The following DDX6 variants were observed in gnomAD, a reference collection of about 807,000 sequenced individuals.
DDX6 encodes DEAD-box helicase 6.
A neutral mutation model predicts 60.6 loss-of-function variants in DDX6; 7 were observed. That is an observed-to-expected ratio of 0.12 (90% confidence interval 0.07 to 0.22). The LOEUF (loss-of-function observed/expected upper bound fraction) is 0.22. Among genes scored for constraint, DDX6 ranks in the 10% least tolerant of loss-of-function variants. The probability of loss-of-function intolerance (pLI) is 1.00; values close to 1 mark genes in which losing one functional copy is unlikely to be tolerated. For missense variants in DDX6, 270 were observed against 589.9 expected (o/e 0.46, Z 5.62); for synonymous variants, 207 against 201.0 (o/e 1.03, Z -0.25).
Position 118,749,691 on chromosome 11 carries a change from C to T in DDX6, c.*2414G>A, listed in dbSNP as rs1174633391. 1.3e-5 allele frequency: 2 copies of T among 152,624 alleles called. No homozygotes were observed. Among genetic ancestry groups the T allele is most frequent in the Non-Finnish European group, 2.9e-5 (2 of 68,046 alleles). The allele number at this position is 152,624 out of a possible 1,614,324, so 9.5% of individuals were successfully genotyped here. A position where few individuals can be genotyped will look rare whatever the true frequency, so the allele number is the denominator to read the frequency against. On this transcript the variant is annotated 3_prime_UTR_variant, in exon 14 of 14. Transcript: ENST00000534980. ...AGAATTGCATTTATACTCTTTTCTT[C>T]TACATGAATGATCCCTCTTATCTCG... is the stretch of plus-strand genomic sequence containing the variant.
intron 2 of DDX6, among the ~76,000 whole-genome samples, chr11:118,783,075 A>G (rs1333128126): frequency 2.2e-5 from 3 of 133,772 alleles, no homozygotes; most frequent in African/African-American, 8.0e-5. Context: ...TATGAGATGA[A>G]AAAACTATTT....
rs541607957 is a variant in DDX6 at position 118,781,703 on chromosome 11, G to A, written c.201-519C>T. On this transcript the variant is annotated intron_variant, in intron 2 of 13. Transcript: ENST00000534980. ...AGCACTTTGGGAGGCCAAGGTGGGC[G>A]GATCACTTGAGGTCAGGAGTTCGAG... Among the ~76,000 whole-genome samples, 9 of 152,300 alleles carry A rather than the reference G, an allele frequency of 5.9e-5. No homozygotes were observed. In the South Asian group the frequency reaches 8.3e-4, roughly 14 times the overall value.
At chr11:118,773,128 G>A (rs1555162924) in intron 4 of DDX6, among the ~76,000 whole-genome samples, 2 of 152,106 alleles carry the variant, frequency 1.3e-5, no homozygotes, top group Non-Finnish European at 2.9e-5. Flanking sequence ...TATAATTAAA[G>A]AATGGTTTAT....
chr11:118,779,797 T>C, intron 3 of DDX6, 61 bp from the exon 4 acceptor site: 1 of 1,266,836 alleles, frequency 7.9e-7, no homozygotes, highest in Non-Finnish European at 1.1e-6. Flanking sequence ...TTTGGTGTCC[T>C]TTGGTAAATT....
At chr11:118,763,705 G>C (rs1317557331) in intron 6 of DDX6, among the ~76,000 whole-genome samples, 1 of 151,752 alleles carries the variant, frequency 6.6e-6, no homozygotes, top group Non-Finnish European at 1.5e-5. Flanking sequence ...GTGGTGGTGG[G>C]AGCCTGTAAT....
chr11:118,765,755 C>A (rs1360071864), intron 5 of DDX6, among the ~76,000 whole-genome samples: 2 of 144,770 alleles, frequency 1.4e-5, no homozygotes, highest in Admixed American at 7.2e-5. Context: ...GCCTGGGCGA[C>A]AGAGTGAGAC....
At chr11:118,788,722 C>T (rs920573311) in intron 1 of DDX6, 3 of 152,012 alleles carry the variant, frequency 2.0e-5, no homozygotes, top group Admixed American at 6.6e-5. Context: ...CAGAGTCTCA[C>T]TCTGTTGCCC....
At chr11:118,767,294 A>G (rs904659710) in intron 5 of DDX6, among the ~76,000 whole-genome samples, 7 of 152,206 alleles carry the variant, frequency 4.6e-5, no homozygotes, top group Non-Finnish European at 7.3e-5. Context: ...AGTCAGATTC[A>G]CTGTGTAAAA....
At chr11:118,787,392 C>T (rs1398658091) in intron 1 of DDX6, 2 of 152,228 alleles carry the variant, frequency 1.3e-5, no homozygotes, top group Admixed American at 6.5e-5. Flanking sequence ...CTGCTTGAAC[C>T]CAGGAGGCGG....
chr11:118,759,147 C>A (rs959640740), intron 8 of DDX6: 3 of 359,164 alleles, frequency 8.4e-6, no homozygotes, highest in South Asian at 6.5e-5. Context: ...GCAACCTCCA[C>A]CTCCCGGGTT....
At chr11:118,783,021 C>A (rs1049128908) in intron 2 of DDX6, among the ~76,000 whole-genome samples, 1 of 151,930 alleles carries the variant, frequency 6.6e-6, no homozygotes. Flanking sequence ...AATAATAATG[C>A]GTAAGATACA....
At chr11:118,789,072 CTTTT>C (rs142382451) in intron 1 of DDX6, 64 of 91,122 alleles carry the variant, frequency 7.0e-4, no homozygotes, top group African/African-American at 2.1e-3. Flanking sequence ...CCCCGTTACA[CTTTT>C]TTTTTTTTTT....
intron 1 of DDX6, chr11:118,788,089 TCACCTGAGGTCAGGAGTTCAAGAC>T (rs1191138767): frequency 1.3e-5 from 2 of 151,020 alleles, no homozygotes; most frequent in African/African-American, 4.9e-5. Context: ...GACTGGTGGA[TCACCTGAGGTCAGGAGTTCAAGAC>T]CACCTGACCA....
chr11:118,750,890 G>A lies in DDX6; in HGVS notation c.*1215C>T, dbSNP rs1315498914. ...GCAAACAGTACATCCCAGATTTCTGGGCCCCTTTACTAACACAGGGTACCA... is the reference window on the plus strand; with the variant it reads ...GCAAACAGTACATCCCAGATTTCTGAGCCCCTTTACTAACACAGGGTACCA... On this transcript the variant is annotated 3_prime_UTR_variant, in exon 14 of 14. Transcript: ENST00000534980. 2 of 152,024 alleles carry A rather than the reference G, an allele frequency of 1.3e-5. No individual in the cohort carries two copies. The highest frequency in any genetic ancestry group is 6.6e-5 in the Admixed American group (1 of 15,204). The allele number at this position is 152,024 out of a possible 1,614,324, so 9.4% of individuals were successfully genotyped here.
chr11:118,762,288 AAT>A (rs1861201088), intron 7 of DDX6, among the ~76,000 whole-genome samples: 2 of 113,922 alleles, frequency 1.8e-5, no homozygotes, highest in African/African-American at 6.3e-5. Context: ...AAAAAAAAAT[AAT>A]AATAATAATA....
At chr11:118,791,390 C>G (rs1037938849), upstream of DDX6, 2 of 152,066 alleles carry the variant, frequency 1.3e-5, no homozygotes, top group African/African-American at 4.8e-5. Context: ...CTCACACCGA[C>G]GAGAAAAGTT....
In DDX6 at chr11:118,748,694, T is replaced by G. The variant is rs1452251693; in HGVS notation, c.*3411A>C. 6.6e-6 allele frequency: 1 copy of G among 152,182 alleles called. No homozygotes were observed. The highest frequency in any genetic ancestry group is 2.1e-4 in the South Asian group (1 of 4,818). 9.4% of individuals were successfully genotyped at this position (152,182 alleles called of 1,614,324 possible). A position where few individuals can be genotyped will look rare whatever the true frequency, so the allele number is the denominator to read the frequency against. On this transcript the variant is annotated 3_prime_UTR_variant, in exon 14 of 14. Coordinates refer to ENST00000534980, the MANE Select transcript of DDX6 (RefSeq NM_004397.6). ...AGCTTCCAAAGTGTTTCTAAATCCT[T>G]AGTGCAGACACCCTCCCTTCTGGGG...
intron 13 of DDX6, among the ~76,000 whole-genome samples, chr11:118,754,291 C>G (rs1339439781): frequency 6.6e-6 from 1 of 152,096 alleles, no homozygotes; most frequent in Non-Finnish European, 1.5e-5. Flanking sequence ...ATTAGGCAGG[C>G]GTGGTGGCAT....
At chr11:118,772,818 C>T (rs1270740460) in intron 4 of DDX6, among the ~76,000 whole-genome samples, 2 of 152,072 alleles carry the variant, frequency 1.3e-5, no homozygotes, top group African/African-American at 4.8e-5. Context: ...AAGTAACACC[C>T]CAATTTCCTT....
Sources: allele counts gnomAD v4.1 joint callset (sites outside exome capture counted in the v4.1 genomes callset), GRCh38; gene constraint gnomAD v4.1.1; transcripts MANE v1.5; gene names NCBI Gene and HGNC (gene_info 2026-07-23, HGNC 2026-07-21).